Variants in PSMB11 observed in about 807,000 individuals in gnomAD.
PSMB11 encodes the protein proteasome subunit beta type-11.
For synonymous variants in PSMB11, 163 were observed against 167.7 expected (o/e 0.97, Z 0.22); for missense variants, 411 against 408.2 (o/e 1.01, Z -0.06).
chr14:23,043,142 G>T lies in PSMB11; in HGVS notation c.*14G>T, dbSNP rs1374138340. ...GAGACGGTGTGAGAAGCAGGACTTGGTTGGGGATGGTGTAGGCCTGGGGAG... is the reference window on the plus strand; with the variant it reads ...GAGACGGTGTGAGAAGCAGGACTTGTTTGGGGATGGTGTAGGCCTGGGGAG... On this transcript the variant is annotated 3_prime_UTR_variant, in exon 1 of 1. Transcript: ENST00000408907. 19 of 1,589,306 alleles carry T rather than the reference G, an allele frequency of 1.2e-5. No homozygotes were observed. Among genetic ancestry groups the T allele is most frequent in the Middle Eastern group, 1.7e-4 (1 of 5,928 alleles).
At position 23,043,736 on chromosome 14, in the gene PSMB11, G is replaced by A. The variant is rs1020176027; in HGVS notation, c.*608G>A. 3.0e-5 allele frequency: 5 copies of A among 167,114 alleles called. No individual in the cohort carries two copies. Among genetic ancestry groups the A allele is most frequent in the African/African-American group, 1.2e-4 (5 of 41,452 alleles). 10.4% of individuals were successfully genotyped at this position (167,114 alleles called of 1,614,324 possible). ...TCGCAACCCTTTGAGGTAAAAATGA[G>A]TCTCTCTTTACAGAAGAGGAATCAG... On this transcript the variant is annotated 3_prime_UTR_variant, in exon 1 of 1. Transcript: ENST00000408907.
chr14:23,043,242 G>A lies in PSMB11; in HGVS notation c.*114G>A. ...ACAGCGTCTGGCTCTAGCCTGTATG[G>A]GTTGCTGGCTTCATTTATTGCAAGT... On this transcript the variant is annotated 3_prime_UTR_variant, in exon 1 of 1. Transcript: ENST00000408907. The A allele has an allele frequency of 1.4e-6, 1 of 698,504 alleles. No homozygotes were observed. The highest frequency in any genetic ancestry group is 2.4e-6 in the Non-Finnish European group (1 of 418,224). The allele number at this position is 698,504 out of a possible 1,614,324, so 43.3% of individuals were successfully genotyped here.
At position 23,042,800 on chromosome 14, in the gene PSMB11, A is replaced by G. The variant is rs1359335162; in HGVS notation, c.575A>G (p.Tyr192Cys). 3.7e-6 allele frequency: 6 copies of G among 1,612,940 alleles called. No individual in the cohort carries two copies. The highest frequency in any genetic ancestry group is 4.2e-6 in the Non-Finnish European group (5 of 1,179,992). Residue 192 changes from tyrosine (Y) to cysteine (C), a missense_variant, in exon 1 of 1, where the codon TAT becomes TGT. By Grantham distance (194) the Tyr-to-Cys change is radical. Transcript: ENST00000408907. ...GCCTACGGCGTGCTAGACCGTGGCT[A>G]TCGCTACGACATGAGCACCCAGGAA... ...PYAYGVLDRGYRYDMSTQEAY... is the reference protein window; with the variant it reads ...PYAYGVLDRGCRYDMSTQEAY...
Position 23,042,235 on chromosome 14 carries a change from C to T in PSMB11, c.10C>T (p.Gln4Ter), listed in dbSNP as rs368573284. MAL[Q>*]DVCKWQSPDT... Reference sequence around the variant, plus strand: ...TCATTCAGCCCCAGGGATGGCTCTGCAGGATGTGTGCAAGTGGCAGTCCCC... The same window carrying T: ...TCATTCAGCCCCAGGGATGGCTCTGTAGGATGTGTGCAAGTGGCAGTCCCC... The change falls in exon 1 of 1, where the codon CAG becomes TAG. Residue 4 changes from glutamine (Q) to a stop codon, truncating the protein, a stop_gained. Coordinates refer to ENST00000408907, the MANE Select transcript of PSMB11 (RefSeq NM_001099780.2). LOFTEE classifies it low-confidence loss of function (END_TRUNC). 1.2e-5 allele frequency: 19 copies of T among 1,573,278 alleles called. No individual in the cohort carries two copies. The highest frequency in any genetic ancestry group is 1.6e-5 in the Non-Finnish European group (18 of 1,158,526).
chr14:23,043,321 A>T lies in PSMB11; in HGVS notation c.*193A>T, dbSNP rs1438558337. 8.9e-6 allele frequency: 5 copies of T among 561,014 alleles called. No individual in the cohort carries two copies. Among genetic ancestry groups the T allele is most frequent in the Non-Finnish European group, 1.6e-5 (5 of 308,214 alleles). The allele number at this position is 561,014 out of a possible 1,614,324, so 34.8% of individuals were successfully genotyped here. A position where few individuals can be genotyped will look rare whatever the true frequency, so the allele number is the denominator to read the frequency against. On this transcript the variant is annotated 3_prime_UTR_variant, in exon 1 of 1. Transcript: ENST00000408907. ...TTATGGCTCTGCCCAACAAGTTCCT[A>T]TTGACTCCCAGTGGATTGGTCCAGC...
rs753946702 is a variant in PSMB11 at position 23,042,846 on chromosome 14, C to T, written c.621C>T (p.Cys207=). The part of the protein sequence containing the change: ...STQEAYALAR[C]AVAHATHRDA... ...AGGAAGCCTACGCCCTGGCTCGCTG[C>T]GCCGTGGCCCACGCCACCCACCGTG... The change falls in exon 1 of 1, where the codon TGC becomes TGT. Residue 207 remains cysteine, a synonymous_variant. Transcript: ENST00000408907. The T allele has an allele frequency of 1.5e-5, 25 of 1,613,354 alleles. No individual in the cohort carries two copies. Among genetic ancestry groups the T allele is most frequent in the Admixed American group, 1.0e-4 (6 of 60,020 alleles).
rs762757186 is a variant in PSMB11 at position 23,042,573 on chromosome 14, A to G, written c.348A>G (p.Glu116=). The G allele has an allele frequency of 1.5e-5, 24 of 1,614,194 alleles. No individual in the cohort carries two copies. Among genetic ancestry groups the G allele is most frequent in the Non-Finnish European group, 1.9e-5 (22 of 1,180,022 alleles). ...TACAGCGGGAGCTGCGGCTTCGGGA[A>G]CTGAGGGAGGGTCAGCTGCCCAGTG... The part of the protein sequence containing the change: ...RVLQRELRLR[E]LREGQLPSVA... The change falls in exon 1 of 1, where the codon GAA becomes GAG. Residue 116 remains glutamate (E), a synonymous_variant. Coordinates refer to ENST00000408907, the MANE Select transcript of PSMB11 (RefSeq NM_001099780.2).
rs1176712648 is a variant in PSMB11 at position 23,042,337 on chromosome 14, T to A, written c.112T>A (p.Phe38Ile). The change falls in exon 1 of 1, where the codon TTC becomes ATC. Residue 38 changes from phenylalanine (F) to isoleucine (I), a missense_variant. Coordinates refer to ENST00000408907, the MANE Select transcript of PSMB11 (RefSeq NM_001099780.2). ...AVPRGCDPQT[F>I]LQIHGPRLAH... ...GCCCCGGGGTTGTGACCCTCAAACC[T>A]TCCTGCAGATCCATGGCCCCAGACT... 8.1e-6 allele frequency: 13 copies of A among 1,613,746 alleles called. No homozygotes were observed. Among genetic ancestry groups the A allele is most frequent in the Non-Finnish European group, 1.1e-5 (13 of 1,180,016 alleles).
Position 23,042,638 on chromosome 14 carries a change from A to C in PSMB11, c.413A>C (p.Gln138Pro). 1.9e-6 allele frequency: 3 copies of C among 1,613,990 alleles called. No individual in the cohort carries two copies. Among genetic ancestry groups the C allele is most frequent in the Non-Finnish European group, 2.5e-6 (3 of 1,179,964 alleles). ...AAGCTCTTGTCAGCCATGATGTCTC[A>C]ATACCGGGGACTGGATCTCTGTGTG... ...AAKLLSAMMSQYRGLDLCVAT... is the reference protein window; with the variant it reads ...AAKLLSAMMSPYRGLDLCVAT... Residue 138 changes from glutamine (Q) to proline (P), a missense_variant, in exon 1 of 1, where the codon CAA becomes CCA. Coordinates refer to ENST00000408907, the MANE Select transcript of PSMB11 (RefSeq NM_001099780.2).
rs1229504349 is a variant in PSMB11 at position 23,042,725 on chromosome 14, G to A, written c.500G>A (p.Gly167Asp). 1 of 1,612,670 alleles carries A rather than the reference G, an allele frequency of 6.2e-7. No individual in the cohort carries two copies. The highest frequency in any genetic ancestry group is 2.2e-5 in the East Asian group (1 of 44,882). ...GPELFYVYSD[G>D]TRLQGDIFSV... ...GAGCTCTTCTACGTCTATAGCGACG[G>A]CACCCGCCTGCAGGGGGACATCTTC... Residue 167 changes from glycine to aspartate, a missense_variant, in exon 1 of 1, where the codon GGC becomes GAC. Gly to Asp is a moderately conservative substitution (Grantham distance 94). Coordinates refer to ENST00000408907, the MANE Select transcript of PSMB11 (RefSeq NM_001099780.2).
At position 23,043,540 on chromosome 14, in the gene PSMB11, C is replaced by T. The variant is rs1477943995; in HGVS notation, c.*412C>T. 1 of 169,496 alleles carries T rather than the reference C, an allele frequency of 5.9e-6. No homozygotes were observed. The highest frequency in any genetic ancestry group is 1.3e-5 in the Non-Finnish European group (1 of 74,592). The allele number at this position is 169,496 out of a possible 1,614,324, so 10.5% of individuals were successfully genotyped here. On this transcript the variant is annotated 3_prime_UTR_variant, in exon 1 of 1. Coordinates refer to ENST00000408907, the MANE Select transcript of PSMB11 (RefSeq NM_001099780.2). ...AGCGTCTTTGTCTTTTTCTCCTGAT[C>T]ACTTTGTCAGCATGGTAAGATGGGG...
At position 23,042,467 on chromosome 14, in the gene PSMB11, G is replaced by A. The variant is rs1317870904; in HGVS notation, c.242G>A (p.Cys81Tyr). ...CGSYVACPAS[C>Y]KVIPVHQHLL... ...AGCTATGTGGCGTGTCCAGCCTCATGCAAGGTCATCCCTGTGCACCAGCAC... is the reference window on the plus strand; with the variant it reads ...AGCTATGTGGCGTGTCCAGCCTCATACAAGGTCATCCCTGTGCACCAGCAC... The change falls in exon 1 of 1, where the codon TGC becomes TAC. Residue 81 changes from cysteine (C) to tyrosine (Y), a missense_variant. Coordinates refer to ENST00000408907, the MANE Select transcript of PSMB11 (RefSeq NM_001099780.2). 1.5e-5 allele frequency: 24 copies of A among 1,614,146 alleles called. No homozygotes were observed. Among genetic ancestry groups the A allele is most frequent in the Non-Finnish European group, 1.9e-5 (23 of 1,180,052 alleles).
chr14:23,042,545 T>C lies in PSMB11; in HGVS notation c.320T>C (p.Val107Ala), dbSNP rs2047018970. The change falls in exon 1 of 1, where the codon GTA becomes GCA. Residue 107 changes from valine to alanine, a missense_variant. Val to Ala is a moderately conservative substitution (Grantham distance 64, BLOSUM62 0). Coordinates refer to ENST00000408907, the MANE Select transcript of PSMB11 (RefSeq NM_001099780.2). ...TSADCATWYR[V>A]LQRELRLREL... Reference sequence around the variant, plus strand: ...GCCGACTGTGCTACCTGGTATCGGGTATTACAGCGGGAGCTGCGGCTTCGG... The same window carrying C: ...GCCGACTGTGCTACCTGGTATCGGGCATTACAGCGGGAGCTGCGGCTTCGG... 6.2e-7 allele frequency: 1 copy of C among 1,614,044 alleles called. No homozygotes were observed. The highest frequency in any genetic ancestry group is 8.5e-7 in the Non-Finnish European group (1 of 1,180,034).
chr14:23,042,244 T>C lies in PSMB11; in HGVS notation c.19T>C (p.Cys7Arg). The C allele has an allele frequency of 6.3e-7, 1 of 1,587,454 alleles. No homozygotes were observed. Among genetic ancestry groups the C allele is most frequent in the South Asian group, 1.2e-5 (1 of 85,846 alleles). The change falls in exon 1 of 1, where the codon TGC (cysteine) becomes CGC (arginine). Residue 7 changes from cysteine (C) to arginine (R), a missense_variant. By Grantham distance (180) the Cys-to-Arg change is radical. Coordinates refer to ENST00000408907, the MANE Select transcript of PSMB11 (RefSeq NM_001099780.2). ...CCCAGGGATGGCTCTGCAGGATGTGTGCAAGTGGCAGTCCCCTGACACCCA... is the reference window on the plus strand; with the variant it reads ...CCCAGGGATGGCTCTGCAGGATGTGCGCAAGTGGCAGTCCCCTGACACCCA... MALQDVCKWQSPDTQGP... is the reference protein window; with the variant it reads MALQDVRKWQSPDTQGP...
chr14:23,043,073 C>G lies in PSMB11; in HGVS notation c.848C>G (p.Pro283Arg). ...GAAGATAGAGAGCTCTCTGTGGGGCCAGGGGAGGTGACACCAGGAGACTCC... is the reference window on the plus strand; with the variant it reads ...GAAGATAGAGAGCTCTCTGTGGGGCGAGGGGAGGTGACACCAGGAGACTCC... ...AAEDRELSVG[P>R]GEVTPGDSRM... Residue 283 changes from proline to arginine, a missense_variant, in exon 1 of 1, where the codon CCA becomes CGA. Pro to Arg is a moderately radical substitution (Grantham distance 103, BLOSUM62 -2). Coordinates refer to ENST00000408907, the MANE Select transcript of PSMB11 (RefSeq NM_001099780.2). The G allele has an allele frequency of 1.9e-6, 3 of 1,613,570 alleles. No homozygotes were observed. Among genetic ancestry groups the G allele is most frequent in the Non-Finnish European group, 2.5e-6 (3 of 1,179,732 alleles).
Position 23,042,949 on chromosome 14 carries a change from T to C in PSMB11, c.724T>C (p.Cys242Arg). The C allele has an allele frequency of 1.2e-6, 2 of 1,614,124 alleles. No homozygotes were observed. The highest frequency in any genetic ancestry group is 1.7e-6 in the Non-Finnish European group (2 of 1,180,030). ...GWEHVSRSDA[C>R]VLYVELQKLL... ...GGAGCATGTGTCACGCAGTGATGCCTGTGTGCTGTACGTGGAGTTACAGAA... is the reference window on the plus strand; with the variant it reads ...GGAGCATGTGTCACGCAGTGATGCCCGTGTGCTGTACGTGGAGTTACAGAA... Residue 242 changes from cysteine (C) to arginine (R), a missense_variant, in exon 1 of 1, where the codon TGT (cysteine) becomes CGT (arginine). By Grantham distance (180) the Cys-to-Arg change is radical (BLOSUM62 -3). Transcript: ENST00000408907.
Position 23,043,043 on chromosome 14 carries a change from C to A in PSMB11, c.818C>A (p.Ala273Asp). The A allele has an allele frequency of 6.2e-7, 1 of 1,613,974 alleles. No homozygotes were observed. The highest frequency in any genetic ancestry group is 8.5e-7 in the Non-Finnish European group (1 of 1,179,918). ...CCTGAGCCTGCCACTGCCCACAGAGCTGCAGAAGATAGAGAGCTCTCTGTG... is the reference window on the plus strand; with the variant it reads ...CCTGAGCCTGCCACTGCCCACAGAGATGCAGAAGATAGAGAGCTCTCTGTG... ...AHPEPATAHR[A>D]AEDRELSVGP... is the part of the protein sequence containing the mutation. Residue 273 changes from alanine (A) to aspartate (D), a missense_variant, in exon 1 of 1, where the codon GCT (alanine) becomes GAT (aspartate). By Grantham distance (126) the Ala-to-Asp change is moderately radical. Transcript: ENST00000408907.
At position 23,042,575 on chromosome 14, in the gene PSMB11, T is replaced by G; in HGVS notation, c.350T>G (p.Leu117Arg). The change falls in exon 1 of 1, where the codon CTG (leucine) becomes CGG (arginine). Residue 117 changes from leucine to arginine, a missense_variant. Leu to Arg is a moderately radical substitution (Grantham distance 102). Coordinates refer to ENST00000408907, the MANE Select transcript of PSMB11 (RefSeq NM_001099780.2). ...CAGCGGGAGCTGCGGCTTCGGGAAC[T>G]GAGGGAGGGTCAGCTGCCCAGTGTG... ...VLQRELRLRE[L>R]REGQLPSVAS... The G allele has an allele frequency of 6.2e-7, 1 of 1,614,212 alleles. No homozygotes were observed. The highest frequency in any genetic ancestry group is 8.5e-7 in the Non-Finnish European group (1 of 1,180,034).
chr14:23,042,709 T>C lies in PSMB11; in HGVS notation c.484T>C (p.Tyr162His), dbSNP rs1246229287. The C allele has an allele frequency of 1.2e-6, 2 of 1,613,234 alleles. No individual in the cohort carries two copies. The highest frequency in any genetic ancestry group is 2.2e-5 in the East Asian group (1 of 44,888). ...GGACCGCTCTGGCCCTGAGCTCTTC[T>C]ACGTCTATAGCGACGGCACCCGCCT... The part of the protein sequence containing the change: ...GWDRSGPELF[Y>H]VYSDGTRLQG... Residue 162 changes from tyrosine (Y) to histidine (H), a missense_variant, in exon 1 of 1, where the codon TAC (tyrosine) becomes CAC (histidine). Physicochemically the swap from Tyr to His is moderately conservative, Grantham distance 83. Transcript: ENST00000408907.
Sources: gnomAD v4.1 joint callset for allele counts on GRCh38, gnomAD v4.1.1 for gene constraint, MANE v1.5 for transcripts, NCBI Gene and HGNC (gene_info 2026-07-23, HGNC 2026-07-21) for gene names.